The following FOXJ1 variants were observed in gnomAD, a reference collection of about 807,000 sequenced individuals.
FOXJ1 encodes the protein forkhead box protein J1.
Under a neutral mutation model 29.3 loss-of-function variants are expected in FOXJ1, and 8 were observed. That is an observed-to-expected ratio of 0.27 (90% CI 0.16 to 0.49). The LOEUF (loss-of-function observed/expected upper bound fraction) is 0.49, where lower values mean the gene tolerates loss of function less well. FOXJ1 is among the 20% of genes least tolerant of loss of function. The pLI, the probability that FOXJ1 is intolerant of heterozygous loss-of-function variation, is 0.98. For missense variants in FOXJ1, 539 were observed against 595.5 expected, an observed-to-expected ratio of 0.91 and a Z score of 0.99; for synonymous variants, 280 against 278.7, an observed-to-expected ratio of 1.00 and a Z score of -0.05.
At chr17:76,138,302 T>A (rs1598373210) in intron 2 of FOXJ1, among the ~76,000 whole-genome samples, 182 bp from the exon 3 acceptor site, 1 of 152,332 alleles carries the variant, frequency 6.6e-6, no homozygotes, top group Non-Finnish European at 1.5e-5. Flanking sequence ...CACAGGGCAC[T>A]GGGAGCCCGG....
Position 76,137,970 on chromosome 17 carries a change from G to C in FOXJ1, c.649C>G (p.Pro217Ala). ...GCAAAGGCTGGGTGGATGTGGACAG[G>C]GGGCAGTCGCCGCTTCTTGAAAGCG... is the stretch of plus-strand genomic sequence containing the variant. Reference protein sequence around the residue: ...SGAFKKRRLPPVHIHPAFARQ... With the variant: ...SGAFKKRRLPAVHIHPAFARQ... The change falls in exon 3 of 3, where the codon CCT (proline) becomes GCT (alanine). Residue 217 changes from proline (P) to alanine (A), a missense_variant. Physicochemically the swap from Pro to Ala is conservative, Grantham distance 27. Transcript: ENST00000322957. The surrounding 1 kb of genome is among the most constrained non-coding windows in gnomAD (Gnocchi z 9.5). 6.3e-7 allele frequency: 1 copy of C among 1,599,366 alleles called. No individual in the cohort carries two copies. The highest frequency in any genetic ancestry group is 1.1e-5 in the South Asian group (1 of 89,560).
rs140238645 is a variant in FOXJ1 at position 76,140,065 on chromosome 17, C to A, written c.331G>T (p.Asp111Tyr). 1 of 1,607,664 alleles carries A rather than the reference C, an allele frequency of 6.2e-7. No homozygotes were observed. The highest frequency in any genetic ancestry group is 2.2e-5 in the East Asian group (1 of 44,820). ...PPGLQAPPPD[D>Y]VDYATNPHVK... ...TGCGGATTGGTGGCGTAGTCCACGT[C>A]GTCGGGGGGTGGGGCCTGCAGCCCC... Residue 111 changes from aspartate (D) to tyrosine (Y), a missense_variant, in exon 2 of 3, where the codon GAC (aspartate) becomes TAC (tyrosine). By Grantham distance (160) the Asp-to-Tyr change is radical. Coordinates refer to ENST00000322957, the MANE Select transcript of FOXJ1 (RefSeq NM_001454.4). The surrounding 1 kb of genome is among the most constrained non-coding windows in gnomAD (Gnocchi z 8.0).
chr17:76,136,454 G>A lies in FOXJ1; in HGVS notation c.*899C>T, dbSNP rs950841085. ...GGGACGCAGCCCAGGGAGTCCGGGT[G>A]GAGCAAGGCACGCCCCACGCCCCCG... is the stretch of plus-strand genomic sequence containing the variant. On this transcript the variant is annotated 3_prime_UTR_variant, in exon 3 of 3. Transcript: ENST00000322957. This position sits in a 1 kb window ranked among gnomAD's most constrained non-coding sequence, Gnocchi z 4.9. The A allele has an allele frequency of 3.9e-5, 6 of 152,134 alleles. No individual in the cohort carries two copies. Among genetic ancestry groups the A allele is most frequent in the African/African-American group, 1.4e-4 (6 of 41,404 alleles). The allele number at this position is 152,134 out of a possible 1,614,324, so 9.4% of individuals were successfully genotyped here. A position where few individuals can be genotyped will look rare whatever the true frequency, so the allele number is the denominator to read the frequency against.
Position 76,137,927 on chromosome 17 carries a change from T to C in FOXJ1, c.692A>G (p.Glu231Gly). ...CCCGGCCCGGGGGACAGCGCTGGGCTCCTGCGCGGCCTGGCGGGCAAAGGC... is the reference window on the plus strand; with the variant it reads ...CCCGGCCCGGGGGACAGCGCTGGGCCCCTGCGCGGCCTGGCGGGCAAAGGC... Reference protein sequence around the residue: ...HPAFARQAAQEPSAVPRAGPL... With the variant: ...HPAFARQAAQGPSAVPRAGPL... Residue 231 changes from glutamate (E) to glycine (G), a missense_variant, in exon 3 of 3, where the codon GAG becomes GGG. Transcript: ENST00000322957. The surrounding 1 kb of genome is among the most constrained non-coding windows in gnomAD (Gnocchi z 9.5). 6.4e-7 allele frequency: 1 copy of C among 1,572,730 alleles called. No individual in the cohort carries two copies. The highest frequency in any genetic ancestry group is 8.6e-7 in the Non-Finnish European group (1 of 1,159,820).
rs893443838 is a variant in FOXJ1, at chr17:76,136,416, G to A, written c.*937C>T. On this transcript the variant is annotated 3_prime_UTR_variant, in exon 3 of 3. Coordinates refer to ENST00000322957, the MANE Select transcript of FOXJ1 (RefSeq NM_001454.4). The surrounding 1 kb of genome is among the most constrained non-coding windows in gnomAD (Gnocchi z 4.9). ...AAAGGTTAAATTGCCCCACGGGGCA[G>A]GAGGGTGGATGTGGGACGCAGCCCA... is the stretch of plus-strand genomic sequence containing the variant. 1.3e-5 allele frequency: 2 copies of A among 152,138 alleles called. No homozygotes were observed. Among genetic ancestry groups the A allele is most frequent in the African/African-American group, 4.8e-5 (2 of 41,402 alleles). The allele number at this position is 152,138 out of a possible 1,614,324, so 9.4% of individuals were successfully genotyped here. A position where few individuals can be genotyped will look rare whatever the true frequency, so the allele number is the denominator to read the frequency against.
At chr17:76,138,584 G>A (rs1309724828) in intron 2 of FOXJ1, among the ~76,000 whole-genome samples, 1 of 152,118 alleles carries the variant, frequency 6.6e-6, no homozygotes, top group Non-Finnish European at 1.5e-5. Context: ...GGGAGAGAGA[G>A]AGAGAGCGCG....
In FOXJ1 at chr17:76,140,046, T is replaced by C. The variant is rs763181035; in HGVS notation, c.350A>G (p.Asn117Ser). Residue 117 changes from asparagine to serine, a missense_variant, in exon 2 of 3, where the codon AAT (asparagine) becomes AGT (serine). By Grantham distance (46) the Asn-to-Ser change is conservative. Coordinates refer to ENST00000322957, the MANE Select transcript of FOXJ1 (RefSeq NM_001454.4). The surrounding 1 kb of genome is among the most constrained non-coding windows in gnomAD (Gnocchi z 8.0). ...CGAGTAGGGAGGCTTCACGTGCGGA[T>C]TGGTGGCGTAGTCCACGTCGTCGGG... ...PPPDDVDYAT[N>S]PHVKPPYSYA... 1.9e-6 allele frequency: 3 copies of C among 1,611,128 alleles called. No individual in the cohort carries two copies. The highest frequency in any genetic ancestry group is 2.2e-5 in the East Asian group (1 of 44,818).
rs1024492246 is a variant in FOXJ1, at chr17:76,140,919, G to T, written c.-170+195C>A. ...GGGCGGTGGAGGTCCTCTGATCCTT[G>T]AAAAGGAATATTATGATAGGGGATC... is the stretch of plus-strand genomic sequence containing the variant. On this transcript the variant is annotated intron_variant, in intron 1 of 2. Coordinates refer to ENST00000322957, the MANE Select transcript of FOXJ1 (RefSeq NM_001454.4). The surrounding 1 kb of genome is among the most constrained non-coding windows in gnomAD (Gnocchi z 8.0). Among the ~76,000 whole-genome samples, 9 of 152,084 alleles carry T rather than the reference G, an allele frequency of 5.9e-5. No homozygotes were observed. The highest frequency in any genetic ancestry group is 2.2e-4 in the African/African-American group (9 of 41,406).
In FOXJ1 at chr17:76,139,811, C is replaced by T. The variant is rs2068503473; in HGVS notation, c.498+87G>A. 6.9e-7 allele frequency: 1 copy of T among 1,446,842 alleles called. No homozygotes were observed. 89.6% of individuals were successfully genotyped at this position (1,446,842 alleles called of 1,614,324 possible). On this transcript the variant is annotated intron_variant, in intron 2 of 2. Coordinates refer to ENST00000322957, the MANE Select transcript of FOXJ1 (RefSeq NM_001454.4). The surrounding 1 kb of genome is among the most constrained non-coding windows in gnomAD (Gnocchi z 6.6). ...TGGCCGCACCGCAGAGCCTACTTGGCCTGCAGATTTGGGATATGAATCCAG... is the reference window on the plus strand; with the variant it reads ...TGGCCGCACCGCAGAGCCTACTTGGTCTGCAGATTTGGGATATGAATCCAG...
chr17:76,140,562 TG>T lies in FOXJ1; in HGVS notation c.-168del. The T allele has an allele frequency of 3.4e-6, 2 of 586,682 alleles. No individual in the cohort carries two copies. Among genetic ancestry groups the T allele is most frequent in the Non-Finnish European group, 5.6e-6 (2 of 358,602 alleles). 36.3% of individuals were successfully genotyped at this position (586,682 alleles called of 1,614,324 possible). ...GCGCCTCCTCCGAATAAGTATGTGG[TG>T]CCTGCGAGGACCACGGTGGGAGCTG... On this transcript the variant is annotated splice_region_variant and 5_prime_UTR_variant, in exon 2 of 3. Transcript: ENST00000322957. The surrounding 1 kb of genome is among the most constrained non-coding windows in gnomAD (Gnocchi z 8.0).
Position 76,137,731 on chromosome 17 carries a change from C to G in FOXJ1, c.888G>C (p.Pro296=). 6.2e-7 allele frequency: 1 copy of G among 1,611,490 alleles called. No homozygotes were observed. The highest frequency in any genetic ancestry group is 1.1e-5 in the South Asian group (1 of 90,948). Residue 296 remains proline (P), a synonymous_variant, in exon 3 of 3, where the codon CCG becomes CCC. Transcript: ENST00000322957. This position sits in a 1 kb window ranked among gnomAD's most constrained non-coding sequence, Gnocchi z 9.5. ...GGGGTTCCAGCTCACCCTGCTCCTC[C>G]GGGGTGGGCAGCAGGGTGCTGGGGG... is the stretch of plus-strand genomic sequence containing the variant. The part of the protein sequence containing the change: ...PRPPSTLLPT[P]EEQGELEPLK...
Position 76,140,553 on chromosome 17 carries a change from A to G in FOXJ1, c.-158T>C. On this transcript the variant is annotated 5_prime_UTR_variant, in exon 2 of 3. Coordinates refer to ENST00000322957, the MANE Select transcript of FOXJ1 (RefSeq NM_001454.4). This position sits in a 1 kb window ranked among gnomAD's most constrained non-coding sequence, Gnocchi z 8.0. ...ACCCCGGGGGCGCCTCCTCCGAATA[A>G]GTATGTGGTGCCTGCGAGGACCACG... 2 of 630,140 alleles carry G rather than the reference A, an allele frequency of 3.2e-6. No homozygotes were observed. The highest frequency in any genetic ancestry group is 5.0e-6 in the Non-Finnish European group (2 of 396,350). 39.0% of individuals were successfully genotyped at this position (630,140 alleles called of 1,614,324 possible).
chr17:76,140,858 G>A lies in FOXJ1; in HGVS notation c.-170+256C>T, dbSNP rs2068513573. 6.6e-6 allele frequency among the ~76,000 whole-genome samples: 1 copy of A among 152,148 alleles called. No individual in the cohort carries two copies. Among genetic ancestry groups the A allele is most frequent in the Non-Finnish European group, 1.5e-5 (1 of 68,004 alleles). The stretch of plus-strand genomic sequence containing the variant: ...TTCCTCCTCGCAACAAATGGAAGTG[G>A]GGCGAGAAGTTTGGGAGGGCGGTAC... On this transcript the variant is annotated intron_variant, in intron 1 of 2. Transcript: ENST00000322957. The surrounding 1 kb of genome is among the most constrained non-coding windows in gnomAD (Gnocchi z 8.0).
In FOXJ1 at chr17:76,140,039, G is replaced by C. The variant is rs570736460; in HGVS notation, c.357C>G (p.His119Gln). The part of the protein sequence containing the change: ...PDDVDYATNP[H>Q]VKPPYSYATL... ...TGGCATACGAGTAGGGAGGCTTCAC[G>C]TGCGGATTGGTGGCGTAGTCCACGT... Residue 119 changes from histidine to glutamine, a missense_variant, in exon 2 of 3, where the codon CAC (histidine) becomes CAG (glutamine). His to Gln is a conservative substitution (Grantham distance 24). Around this residue, in one of 3 missense-constraint regions of FOXJ1, gnomAD observed 178 missense variants for 254.4 expected, o/e 0.70. Coordinates refer to ENST00000322957, the MANE Select transcript of FOXJ1 (RefSeq NM_001454.4). The surrounding 1 kb of genome is among the most constrained non-coding windows in gnomAD (Gnocchi z 8.0). 1.2e-5 allele frequency: 19 copies of C among 1,611,760 alleles called. No homozygotes were observed. The South Asian group carries it at 1.9e-4, about 16-fold the overall frequency.
rs771639252 is a variant in FOXJ1, at chr17:76,137,844, C to G, written c.775G>C (p.Gly259Arg). ...TCGCCTGCACCCCAGCCCGCCTCCC[C>G]GGTGGCCTCCTCGAACTCCCGCAGC... ...QLLREFEEATGEAGWGAGEGR... is the reference protein window; with the variant it reads ...QLLREFEEATREAGWGAGEGR... The change falls in exon 3 of 3, where the codon GGG becomes CGG. Residue 259 changes from glycine (G) to arginine (R), a missense_variant. Physicochemically the swap from Gly to Arg is moderately radical, Grantham distance 125. Coordinates refer to ENST00000322957, the MANE Select transcript of FOXJ1 (RefSeq NM_001454.4). The surrounding 1 kb of genome is among the most constrained non-coding windows in gnomAD (Gnocchi z 9.5). 3.1e-6 allele frequency: 5 copies of G among 1,592,090 alleles called. No homozygotes were observed. In the South Asian group the frequency reaches 4.5e-5, roughly 14 times the overall value.
In FOXJ1 at chr17:76,137,884, G is replaced by T; in HGVS notation, c.735C>A (p.Thr245=). 2 of 1,577,202 alleles carry T rather than the reference G, an allele frequency of 1.3e-6. No individual in the cohort carries two copies. The highest frequency in any genetic ancestry group is 2.3e-5 in the East Asian group (1 of 43,488). ...VPRAGPLTVN[T]EAQQLLREFE... ...ACTCCCGCAGCAGCTGCTGGGCCTC[G>T]GTATTCACCGTCAGCGGCCCGGCCC... Residue 245 remains threonine, a synonymous_variant, in exon 3 of 3, where the codon ACC becomes ACA. Coordinates refer to ENST00000322957, the MANE Select transcript of FOXJ1 (RefSeq NM_001454.4). The surrounding 1 kb of genome is among the most constrained non-coding windows in gnomAD (Gnocchi z 9.5).
rs185252513 is a variant in FOXJ1 at position 76,137,943 on chromosome 17, G to T, written c.676C>A (p.Arg226Ser). 119 of 1,581,400 alleles carry T rather than the reference G, an allele frequency of 7.5e-5. No homozygotes were observed. In the African/African-American group the frequency reaches 1.4e-3, roughly 19 times the overall value. Residue 226 changes from arginine (R) to serine (S), a missense_variant, in exon 3 of 3, where the codon CGC (arginine) becomes AGC (serine). Transcript: ENST00000322957. This position sits in a 1 kb window ranked among gnomAD's most constrained non-coding sequence, Gnocchi z 9.5. ...GCGCTGGGCTCCTGCGCGGCCTGGC[G>T]GGCAAAGGCTGGGTGGATGTGGACA... is the stretch of plus-strand genomic sequence containing the variant. The part of the protein sequence containing the change: ...PPVHIHPAFA[R>S]QAAQEPSAVP...
At chr17:76,138,919 C>T (rs959936332) in intron 2 of FOXJ1, among the ~76,000 whole-genome samples, 2 of 152,148 alleles carry the variant, frequency 1.3e-5, no homozygotes, top group African/African-American at 2.4e-5. Context: ...AGAGTCTGGG[C>T]GTCCTTGGGG....
At position 76,140,165 on chromosome 17, in the gene FOXJ1, G is replaced by A. The variant is rs1449571229; in HGVS notation, c.231C>T (p.Ala77=). The A allele has an allele frequency of 6.8e-7, 1 of 1,476,000 alleles. No individual in the cohort carries two copies. The highest frequency in any genetic ancestry group is 1.4e-5 in the South Asian group (1 of 72,072). 91.4% of individuals were successfully genotyped at this position (1,476,000 alleles called of 1,614,324 possible). A position where few individuals can be genotyped will look rare whatever the true frequency, so the allele number is the denominator to read the frequency against. Residue 77 remains alanine, a synonymous_variant, in exon 2 of 3, where the codon GCC becomes GCT. Coordinates refer to ENST00000322957, the MANE Select transcript of FOXJ1 (RefSeq NM_001454.4). The surrounding 1 kb of genome is among the most constrained non-coding windows in gnomAD (Gnocchi z 8.0). Reference sequence around the variant, plus strand: ...GTGGCTGCCCCAGGCAGGCGGGGTCGGCCGCCAGGGGGGACCCGGGCGCCG... The same window carrying A: ...GTGGCTGCCCCAGGCAGGCGGGGTCAGCCGCCAGGGGGGACCCGGGCGCCG... ...GSAAPGSPLA[A]DPACLGQPHT...
Sources: gnomAD v4.1 joint callset for allele counts (sites outside exome capture counted in the v4.1 genomes callset) on GRCh38, gnomAD v4.1.1 for gene constraint, gnomAD v4.1.1 regional missense constraint, Gnocchi (gnomAD v3.1) non-coding constraint, MANE v1.5 for transcripts, NCBI Gene and HGNC (gene_info 2026-07-23, HGNC 2026-07-21) for gene names.